ERBB4: variants seen among roughly 807,000 people sequenced by gnomAD.
The protein encoded by ERBB4 is receptor tyrosine-protein kinase erbB-4.
ERBB4 carries 42 observed loss-of-function variants against 158.0 expected under a neutral mutation model. The observed-to-expected ratio is 0.27, with a 90% CI of 0.21 to 0.34. ERBB4 has a LOEUF of 0.34. Among genes scored for constraint, ERBB4 ranks in the 10% least tolerant of loss-of-function variants. ERBB4 has a pLI of 1.00. For missense variants in ERBB4, 1,333 were observed against 1,624.1 expected (o/e 0.82, Z 3.08); for synonymous variants, 583 against 558.7 (o/e 1.04, Z -0.61).
At chr2:212,079,622 A>G (rs2078376707) in intron 2 of ERBB4, among the ~76,000 whole-genome samples, 1 of 152,126 alleles carries the variant, frequency 6.6e-6, no homozygotes, top group South Asian at 2.1e-4. Context: ...ACAAATTTAG[A>G]TGGTACTATT....
At chr2:211,812,478 G>A (rs765877952) in intron 3 of ERBB4, among the ~76,000 whole-genome samples, 3 of 152,200 alleles carry the variant, frequency 2.0e-5, no homozygotes, top group Non-Finnish European at 4.4e-5. Flanking sequence ...GTGTCTCCCA[G>A]TTAGGCTACA....
At chr2:211,423,112 C>T (rs1370377108) in intron 23 of ERBB4, among the ~76,000 whole-genome samples, 1 of 151,772 alleles carries the variant, frequency 6.6e-6, no homozygotes, top group Non-Finnish European at 1.5e-5. Flanking sequence ...CTTGCTAATG[C>T]CAAGATGCTA....
chr2:212,271,998 AT>A (rs1038647048), intron 1 of ERBB4, among the ~76,000 whole-genome samples: 3 of 151,668 alleles, frequency 2.0e-5, no homozygotes, highest in Non-Finnish European at 3.0e-5. Flanking sequence ...ACCAATTAAC[AT>A]TTTTTTTAAA....
At chr2:212,421,755 T>A (rs573288836) in intron 1 of ERBB4, among the ~76,000 whole-genome samples, 1 of 152,238 alleles carries the variant, frequency 6.6e-6, no homozygotes, top group South Asian at 2.1e-4. Flanking sequence ...TAGGGTTCTC[T>A]GTTTGAAAAC....
At chr2:212,170,408 A>G (rs554049350) in intron 1 of ERBB4, among the ~76,000 whole-genome samples, 1 of 152,336 alleles carries the variant, frequency 6.6e-6, no homozygotes, top group East Asian at 1.9e-4. Flanking sequence ...CTGATGATGC[A>G]ATAGAAAAGA....
At chr2:211,384,145 T>C (rs1290700037) in intron 27 of ERBB4, 85 bp from the exon 28 acceptor site, 3 of 984,820 alleles carry the variant, frequency 3.0e-6, no homozygotes, top group Non-Finnish European at 4.7e-6. Flanking sequence ...GTTAGCTTCT[T>C]TGTCTAGAAC....
At chr2:211,944,181 A>ATATAC (rs1559154604) in intron 3 of ERBB4, among the ~76,000 whole-genome samples, 4,211 of 43,014 alleles carry the variant, frequency 0.098, 213 homozygotes, top group Middle Eastern at 0.15. Flanking sequence ...TATATACTAT[A>ATATAC]TATATATATA....
chr2:212,165,714 C>A (rs2081327747), intron 1 of ERBB4, among the ~76,000 whole-genome samples: 1 of 151,930 alleles, frequency 6.6e-6, no homozygotes, highest in Non-Finnish European at 1.5e-5. Flanking sequence ...AGGAAATTTT[C>A]TAAAGTCATC....
chr2:211,404,487 C>A (rs572644562), intron 25 of ERBB4, among the ~76,000 whole-genome samples: 2 of 152,168 alleles, frequency 1.3e-5, no homozygotes, highest in South Asian at 2.1e-4. Context: ...GTTGGAAGTA[C>A]CTCAATGTCC....
At chr2:211,404,072 A>G (rs1340895551) in intron 25 of ERBB4, among the ~76,000 whole-genome samples, 1 of 152,138 alleles carries the variant, frequency 6.6e-6, no homozygotes, top group Non-Finnish European at 1.5e-5. Context: ...TAAGAGAAAA[A>G]GAAATAAGTT....
At chr2:211,746,066 G>A (rs2106196750) in intron 5 of ERBB4, among the ~76,000 whole-genome samples, 1 of 152,274 alleles carries the variant, frequency 6.6e-6, no homozygotes, top group South Asian at 2.1e-4. Flanking sequence ...GGAATATTGT[G>A]AAAATGAATT....
At chr2:212,536,744 G>A (rs1693090523) in intron 1 of ERBB4, among the ~76,000 whole-genome samples, 1 of 152,170 alleles carries the variant, frequency 6.6e-6, no homozygotes, top group South Asian at 2.1e-4. Context: ...AATTGCTGCG[G>A]ACTCGGAGCG....
intron 1 of ERBB4, among the ~76,000 whole-genome samples, chr2:212,453,160 G>C (rs1688091594): frequency 6.6e-6 from 1 of 152,152 alleles, no homozygotes; most frequent in Non-Finnish European, 1.5e-5. Flanking sequence ...CTATAAAAAT[G>C]TTATATGATG....
intron 2 of ERBB4, among the ~76,000 whole-genome samples, chr2:212,038,293 A>G (rs922508457): frequency 1.3e-5 from 2 of 152,076 alleles, no homozygotes; most frequent in Admixed American, 1.3e-4. Flanking sequence ...CTAGATAAAA[A>G]TATCATTGAA....
intron 1 of ERBB4, among the ~76,000 whole-genome samples, chr2:212,158,425 A>G (rs2081105034): frequency 6.6e-6 from 1 of 151,940 alleles, no homozygotes; most frequent in South Asian, 2.1e-4. Context: ...GACCTCTGTG[A>G]AGTGCACATA....
At chr2:212,286,612 T>TTTTTTTTG (rs1559928891) in intron 1 of ERBB4, among the ~76,000 whole-genome samples, 3 of 136,540 alleles carry the variant, frequency 2.2e-5, no homozygotes, top group African/African-American at 8.4e-5. Context: ...TTTTTTTTTT[T>TTTTTTTTG]TTTTTTTTGA....
chr2:212,472,206 T>C (rs1689148289), intron 1 of ERBB4, among the ~76,000 whole-genome samples: 1 of 151,770 alleles, frequency 6.6e-6, no homozygotes. Context: ...ATATTCTTTA[T>C]TATTCAACTT....
At chr2:211,950,077 A>G (rs1490401294) in intron 2 of ERBB4, among the ~76,000 whole-genome samples, 1 of 152,010 alleles carries the variant, frequency 6.6e-6, no homozygotes, top group East Asian at 1.9e-4. Flanking sequence ...ATGCCTGTGG[A>G]GTGAAGAAAA....
chr2:212,496,907 A>G lies in ERBB4; in HGVS notation c.82+41542T>C, dbSNP rs571433562. ...AAATAACTATATTTTTAGCCAGGTG[A>G]GGTGGTTCACTCCTGTAATCCCAGC... On this transcript the variant is annotated intron_variant, in intron 1 of 27. Coordinates refer to ENST00000342788, the MANE Select transcript of ERBB4 (RefSeq NM_005235.3). Among the ~76,000 whole-genome samples the G allele has an allele frequency of 9.7e-4, 148 of 152,134 alleles. 1 individual carries two copies. Among genetic ancestry groups the G allele is most frequent in the African/African-American group, 3.4e-3 (140 of 41,536 alleles).
Sources: allele counts gnomAD v4.1 joint callset (sites outside exome capture counted in the v4.1 genomes callset), GRCh38; gene constraint gnomAD v4.1.1; transcripts MANE v1.5; gene names NCBI Gene and HGNC (gene_info 2026-07-23, HGNC 2026-07-21).